CLASP1: variants seen among roughly 807,000 people sequenced by gnomAD.
CLASP1 encodes CLIP-associating protein 1.
Under a neutral mutation model 192.3 loss-of-function variants are expected in CLASP1, and 38 were observed. The observed-to-expected ratio is 0.20, with a 90% confidence interval of 0.15 to 0.26. The LOEUF (loss-of-function observed/expected upper bound fraction) is 0.26. Ranked by LOEUF, CLASP1 falls within the 10% of genes least tolerant of loss-of-function variation. CLASP1 has a pLI of 1.00. For synonymous variants in CLASP1, 691 were observed against 712.8 expected (o/e 0.97, Z 0.49); for missense variants, 1,433 against 1,932.5 (o/e 0.74, Z 4.85).
chr2:121,620,689 C>A (rs1465095123), intron 1 of CLASP1, among the ~76,000 whole-genome samples: 1 of 152,152 alleles, frequency 6.6e-6, no homozygotes, highest in African/African-American at 2.4e-5. Flanking sequence ...TGGACAGCAT[C>A]TTTGAAGAAG....
At chr2:121,509,843 AAT>A (rs2094068113) in intron 7 of CLASP1, among the ~76,000 whole-genome samples, 1 of 152,186 alleles carries the variant, frequency 6.6e-6, no homozygotes, top group Non-Finnish European at 1.5e-5. Flanking sequence ...GCCTCAAAAA[AAT>A]GTTTTTAATT....
intron 14 of CLASP1, among the ~76,000 whole-genome samples, chr2:121,455,662 C>T (rs369975366): frequency 1.3e-5 from 2 of 152,138 alleles, no homozygotes; most frequent in African/African-American, 4.8e-5. Context: ...GAGGTTGAGG[C>T]CAGCCTGGGC....
chr2:121,410,830 CA>C (rs2077593066), intron 24 of CLASP1, 35 bp downstream of exon 25: 2 of 1,332,102 alleles, frequency 1.5e-6, no homozygotes, highest in African/African-American at 2.9e-5. Flanking sequence ...ATGAGTATTT[CA>C]AAAAGACTGT....
At chr2:121,419,045 C>A (rs984683557) in intron 22 of CLASP1, among the ~76,000 whole-genome samples, 1 of 152,154 alleles carries the variant, frequency 6.6e-6, no homozygotes, top group African/African-American at 2.4e-5. Context: ...AATACAAGAT[C>A]AAAAGCCTTT....
intron 6 of CLASP1, among the ~76,000 whole-genome samples, chr2:121,520,025 G>A (rs1457123248): frequency 2.6e-5 from 4 of 152,178 alleles, no homozygotes; most frequent in East Asian, 1.9e-4. Flanking sequence ...CATGCAGCAC[G>A]CTCTGCCAGG....
At chr2:121,445,695 C>T (rs1259416044) in intron 19 of CLASP1, among the ~76,000 whole-genome samples, 1 of 152,134 alleles carries the variant, frequency 6.6e-6, no homozygotes, top group Non-Finnish European at 1.5e-5. Flanking sequence ...ACTCCAGTCT[C>T]GTTCTTTGAA....
chr2:121,642,032 T>C (rs1228461312), intron 1 of CLASP1, among the ~76,000 whole-genome samples: 2 of 151,800 alleles, frequency 1.3e-5, no homozygotes, highest in African/African-American at 4.8e-5. Context: ...TTAAATTCAA[T>C]AATCCCACTT....
chr2:121,348,506 G>A lies in CLASP1; in HGVS notation c.4413+6C>T. On this transcript the variant is annotated splice_donor_region_variant and intron_variant, in intron 38 of 39. Transcript: ENST00000263710. ...GGGGGCAGGCCCCACCAACACGAGG[G>A]CCTACCTGCAGCAAGCCTGGGATGA... 2 of 1,603,580 alleles carry A rather than the reference G, an allele frequency of 1.2e-6. No homozygotes were observed. The highest frequency in any genetic ancestry group is 1.7e-6 in the Non-Finnish European group (2 of 1,175,428).
intron 30 of CLASP1, among the ~76,000 whole-genome samples, chr2:121,395,902 G>A (rs1009884245): frequency 2.6e-5 from 4 of 152,172 alleles, no homozygotes; most frequent in Non-Finnish European, 4.4e-5. Flanking sequence ...CGTAGCAAGA[G>A]AATTTGCAAG....
At chr2:121,527,750 T>C (rs745567038) in intron 5 of CLASP1, 49 bp downstream of exon 5, 4 of 1,392,660 alleles carry the variant, frequency 2.9e-6, no homozygotes, top group Non-Finnish European at 4.0e-6. Context: ...AAATAAAAAG[T>C]TTTAAAAAAT....
chr2:121,641,928 G>A (rs1428914995), intron 1 of CLASP1, among the ~76,000 whole-genome samples: 1 of 152,098 alleles, frequency 6.6e-6, no homozygotes, highest in Non-Finnish European at 1.5e-5. Context: ...AGGAGGCTGA[G>A]GTGGGAGGAT....
At chr2:121,562,173 C>G (rs759266358) in intron 2 of CLASP1, among the ~76,000 whole-genome samples, 2 of 152,202 alleles carry the variant, frequency 1.3e-5, no homozygotes, top group African/African-American at 4.8e-5. Flanking sequence ...CTTCTTAGAG[C>G]TGGGGCCAAG....
intron 1 of CLASP1, among the ~76,000 whole-genome samples, chr2:121,636,978 T>C (rs547132915): frequency 3.9e-5 from 6 of 152,324 alleles, no homozygotes; most frequent in African/African-American, 7.2e-5. Flanking sequence ...TCAGTCAATA[T>C]AGGTTAAGCA....
rs117072693 is a variant in CLASP1, at chr2:121,531,120, G to A, written c.196-795C>T. On this transcript the variant is annotated intron_variant, in intron 2 of 39. Transcript: ENST00000263710. ...GCACAAGACGCGTGGTTTTAGTGTC[G>A]CAAGTAAAGTTCTTTCAGTTTTTGC... is the stretch of plus-strand genomic sequence containing the variant. The A allele has an allele frequency of 1.3e-3, 791 of 628,948 alleles. 11 individuals carry two copies. The East Asian group carries it at 0.019, about 15-fold the overall frequency. 39.0% of individuals were successfully genotyped at this position (628,948 alleles called of 1,614,324 possible). A position where few individuals can be genotyped will look rare whatever the true frequency, so the allele number is the denominator to read the frequency against.
intron 2 of CLASP1, among the ~76,000 whole-genome samples, chr2:121,575,117 CT>C (rs1041304834): frequency 6.6e-6 from 1 of 151,912 alleles, no homozygotes; most frequent in East Asian, 1.9e-4. Context: ...AAATACATTT[CT>C]TTTTTTTCCT....
At chr2:121,581,984 A>C (rs920281672) in intron 2 of CLASP1, among the ~76,000 whole-genome samples, 2 of 151,966 alleles carry the variant, frequency 1.3e-5, no homozygotes. Flanking sequence ...GGAGTTCAAG[A>C]CCAGCCTGTC....
chr2:121,408,000 C>A, intron 24 of CLASP1: 1 of 507,568 alleles, frequency 2.0e-6, no homozygotes, highest in South Asian at 1.8e-5. Context: ...GGTGCCAACA[C>A]TGACTGGGCT....
At chr2:121,621,012 T>C (rs901759634) in intron 1 of CLASP1, among the ~76,000 whole-genome samples, 4 of 152,112 alleles carry the variant, frequency 2.6e-5, no homozygotes, top group African/African-American at 9.7e-5. Context: ...GCAGACTGCT[T>C]GAGCTCACGA....
At chr2:121,574,053 G>A (rs1270385818) in intron 2 of CLASP1, among the ~76,000 whole-genome samples, 1 of 152,204 alleles carries the variant, frequency 6.6e-6, no homozygotes, top group Non-Finnish European at 1.5e-5. Context: ...GGTAACTATA[G>A]CTATTAATAA....
Sources: allele counts gnomAD v4.1 joint callset (sites outside exome capture counted in the v4.1 genomes callset), GRCh38; gene constraint gnomAD v4.1.1; transcripts MANE v1.5; gene names NCBI Gene and HGNC (gene_info 2026-07-23, HGNC 2026-07-21).